The following MSANTD2 variants were observed in gnomAD, a reference collection of about 807,000 sequenced individuals.
The protein encoded by MSANTD2 is myb/SANT-like DNA-binding domain-containing protein 2.
In MSANTD2, 19 loss-of-function variants were observed where a neutral mutation model predicts 52.6. The observed-to-expected ratio is 0.36, with a 90% CI of 0.25 to 0.53. MSANTD2 has a LOEUF of 0.53. Among genes scored for constraint, MSANTD2 ranks in the 20% least tolerant of loss-of-function variants. The probability of loss-of-function intolerance (pLI) is 0.91; values close to 1 mark genes in which losing one functional copy is unlikely to be tolerated. For missense variants in MSANTD2, 558 were observed against 716.3 expected (o/e 0.78, Z 2.52); for synonymous variants, 291 against 289.7 (o/e 1.00, Z -0.04).
At chr11:124,773,783 T>C (rs1342807871) in intron 2 of MSANTD2, among the ~76,000 whole-genome samples, 1 of 152,222 alleles carries the variant, frequency 6.6e-6, no homozygotes, top group Non-Finnish European at 1.5e-5. Flanking sequence ...CATGGACTTT[T>C]ATCTAAAGCT....
rs1945323263 is a variant in MSANTD2 at position 124,791,228 on chromosome 11, C to T, written c.510+8643G>A. The stretch of plus-strand genomic sequence containing the variant: ...GACATTTGGAGAATGCCATCATTGA[C>T]CATCAATGGGGTCACAACAAGCAAA... On this transcript the variant is annotated intron_variant, in intron 1 of 3. Coordinates refer to ENST00000374979, the MANE Select transcript of MSANTD2 (RefSeq NM_001308027.2). The T allele has an allele frequency of 5.0e-6, 7 of 1,389,278 alleles. No homozygotes were observed. The East Asian group carries it at 1.4e-4, about 27-fold the overall frequency. 86.1% of individuals were successfully genotyped at this position (1,389,278 alleles called of 1,614,324 possible).
At chr11:124,770,804 G>C (rs1944490841) in intron 3 of MSANTD2, among the ~76,000 whole-genome samples, 1 of 136,596 alleles carries the variant, frequency 7.3e-6, no homozygotes, top group African/African-American at 2.9e-5. Context: ...TTTTGAGACA[G>C]AGTCTTGCAC....
intron 1 of MSANTD2, among the ~76,000 whole-genome samples, chr11:124,798,736 T>C (rs911135174): frequency 6.6e-6 from 1 of 152,174 alleles, no homozygotes; most frequent in Non-Finnish European, 1.5e-5. Context: ...GACTTTATTA[T>C]TGCTCTTTAG....
rs57859579 is a variant in MSANTD2, at chr11:124,772,742, CAAAAAAAAAA to C, written c.827+242_827+251del. On this transcript the variant is annotated intron_variant, in intron 3 of 3. Transcript: ENST00000374979. ...ACAGAGCGAGAGCGAGATTCCGTCT[CAAAAAAAAAA>C]AAAAAAAAAAAAAAAAAAGAACGTA... 4.0e-4 allele frequency among the ~76,000 whole-genome samples: 23 copies of C among 57,924 alleles called. No individual in the cohort carries two copies. The East Asian group carries it at 4.6e-3, about 12-fold the overall frequency. 38.0% of individuals were successfully genotyped at this position (57,924 alleles called of 152,430 possible).
At chr11:124,791,692 T>A (rs1022665253) in intron 1 of MSANTD2, 4 of 1,166,244 alleles carry the variant, frequency 3.4e-6, no homozygotes, top group Non-Finnish European at 5.1e-6. Context: ...GGCAAGGCTG[T>A]GGCTGGGGAA....
intron 2 of MSANTD2, 155 bp from the exon 3 acceptor site, chr11:124,773,209 T>C (rs1001856277): frequency 5.4e-6 from 3 of 557,264 alleles, no homozygotes; most frequent in African/African-American, 3.8e-5. Flanking sequence ...TTTATAAATA[T>C]AGCTCTTATA....
At chr11:124,770,797 T>G (rs1013312064) in intron 3 of MSANTD2, among the ~76,000 whole-genome samples, 2 of 148,810 alleles carry the variant, frequency 1.3e-5, no homozygotes, top group South Asian at 2.1e-4. Context: ...TTTTTTTTTT[T>G]GAGACAGAGT....
intron 1 of MSANTD2, 120 bp from the exon 2 acceptor site, chr11:124,775,094 G>A: frequency 2.5e-6 from 2 of 812,382 alleles, no homozygotes; most frequent in Non-Finnish European, 3.6e-6. Context: ...CATTGTTACA[G>A]GAATGCTAGA....
chr11:124,773,178 C>T, intron 2 of MSANTD2, 124 bp from the exon 3 acceptor site: 1 of 615,442 alleles, frequency 1.6e-6, no homozygotes, highest in Non-Finnish European at 2.9e-6. Context: ...ATTCTAGTGT[C>T]AAACACTGTC....
chr11:124,795,707 A>G (rs56814855), intron 1 of MSANTD2, among the ~76,000 whole-genome samples: 16,813 of 152,196 alleles, frequency 0.11, 982 homozygotes, highest in East Asian at 0.18. Flanking sequence ...TTTTAAAACT[A>G]CAGTTCTTTT....
intron 1 of MSANTD2, among the ~76,000 whole-genome samples, chr11:124,783,137 A>G (rs1051404101): frequency 1.3e-5 from 2 of 152,182 alleles, no homozygotes; most frequent in African/African-American, 4.8e-5. Flanking sequence ...AATCGGGTCA[A>G]ACAGAATGAC....
intron 3 of MSANTD2, among the ~76,000 whole-genome samples, chr11:124,771,148 G>A (rs995692982): frequency 2.6e-5 from 4 of 152,248 alleles, no homozygotes; most frequent in African/African-American, 7.2e-5. Flanking sequence ...GATTAAAGGC[G>A]TGAGCATGAG....
At position 124,799,839 on chromosome 11, in the gene MSANTD2, G is replaced by T. The variant is rs763974816; in HGVS notation, c.510+32C>A. The stretch of plus-strand genomic sequence containing the variant: ...GCTTCCCCGCCTTCTCTCTGCCTCT[G>T]GTTCGCTGCCCCAGGCCGGGCGGCC... On this transcript the variant is annotated intron_variant, in intron 1 of 3. Transcript: ENST00000374979. The T allele has an allele frequency of 5.2e-6, 8 of 1,525,134 alleles. No homozygotes were observed. In the South Asian group the frequency reaches 9.3e-5, roughly 18 times the overall value. The allele number at this position is 1,525,134 out of a possible 1,614,324, so 94.5% of individuals were successfully genotyped here. A position where few individuals can be genotyped will look rare whatever the true frequency, so the allele number is the denominator to read the frequency against.
intron 1 of MSANTD2, among the ~76,000 whole-genome samples, chr11:124,780,811 G>A (rs889009517): frequency 2.0e-5 from 3 of 152,168 alleles, no homozygotes; most frequent in African/African-American, 7.2e-5. Flanking sequence ...TGTTCATTTA[G>A]ATAAAGCAGC....
chr11:124,782,929 A>G (rs952459765), intron 1 of MSANTD2, among the ~76,000 whole-genome samples: 13 of 152,206 alleles, frequency 8.5e-5, no homozygotes, highest in Non-Finnish European at 1.6e-4. Flanking sequence ...GGGCAAGGCT[A>G]TTTTAAAAAT....
Position 124,774,917 on chromosome 11 carries a change from T to C in MSANTD2, c.568A>G (p.Ser190Gly). ...KEHGVGKRKS[S>G]YTFEQLEQVF... ...TGTTCCAACTGTTCAAATGTGTAAC[T>C]GCTCTTTCTTTTCCCAACACCATGT... Residue 190 changes from serine to glycine, a missense_variant, in exon 2 of 4, where the codon AGT becomes GGT. Transcript: ENST00000374979. The surrounding 1 kb of genome is among the most constrained non-coding windows in gnomAD (Gnocchi z 5.1). 1 of 1,602,944 alleles carries C rather than the reference T, an allele frequency of 6.2e-7. No individual in the cohort carries two copies. The highest frequency in any genetic ancestry group is 1.3e-5 in the African/African-American group (1 of 74,964).
chr11:124,797,447 T>G (rs1019218933), intron 1 of MSANTD2, among the ~76,000 whole-genome samples: 3 of 152,180 alleles, frequency 2.0e-5, no homozygotes, highest in Admixed American at 6.5e-5. Context: ...CAGTGAGCTA[T>G]GATCACGTTA....
At chr11:124,772,742 CAAAAAAAAAAAA>C (rs57859579) in intron 3 of MSANTD2, among the ~76,000 whole-genome samples, 3,627 of 57,944 alleles carry the variant, frequency 0.063, 167 homozygotes, top group African/African-American at 0.14. Context: ...GATTCCGTCT[CAAAAAAAAAAAA>C]AAAAAAAAAA....
At chr11:124,791,612 T>C (rs1258141004) in intron 1 of MSANTD2, 3 of 1,478,704 alleles carry the variant, frequency 2.0e-6, no homozygotes, top group Non-Finnish European at 2.8e-6. Flanking sequence ...CCAATATCAG[T>C]GGGATCGGCA....
Sources: allele counts gnomAD v4.1 joint callset (sites outside exome capture counted in the v4.1 genomes callset), GRCh38; gene constraint gnomAD v4.1.1; non-coding constraint Gnocchi (gnomAD v3.1); transcripts MANE v1.5; gene names NCBI Gene and HGNC (gene_info 2026-07-23, HGNC 2026-07-21).